FDFT1: variants seen among roughly 807,000 people sequenced by gnomAD.
FDFT1 encodes the protein squalene synthase.
FDFT1 carries 68 observed loss-of-function variants against 46.8 expected under a neutral mutation model. The observed-to-expected ratio is 1.45, with a 90% CI of 1.19 to 1.78. FDFT1 has a LOEUF of 1.78. Ranked by LOEUF, FDFT1 falls within the 40% of genes most tolerant of loss-of-function variation. The pLI is 0.00. For synonymous variants in FDFT1, 351 were observed against 185.1 expected (o/e 1.90, Z -7.28); for missense variants, 928 against 524.4 (o/e 1.77, Z -7.52).
intron 3 of FDFT1, among the ~76,000 whole-genome samples, chr8:11,816,249 C>T (rs1320546253): frequency 2.0e-5 from 3 of 152,152 alleles, no homozygotes; most frequent in Non-Finnish European, 2.9e-5. Context: ...GTACCAGTAC[C>T]ATGCTGTTTT....
rs565146134 is a variant in FDFT1, at chr8:11,824,078, G to C, written c.511-1946G>C. ...AGGTCTTGCTTTGTTGGCCAGGCTG[G>C]TCTAAAACTCTTGGGCTCAAGCAGT... On this transcript the variant is annotated intron_variant, in intron 4 of 7. Transcript: ENST00000220584. Among the ~76,000 whole-genome samples, 247 of 152,190 alleles carry C rather than the reference G, an allele frequency of 1.6e-3. 2 individuals are homozygous for C. Among genetic ancestry groups the C allele is most frequent in the African/African-American group, 5.8e-3 (242 of 41,512 alleles).
At chr8:11,829,942 G>A (rs1484115977) in intron 5 of FDFT1, among the ~76,000 whole-genome samples, 1 of 151,900 alleles carries the variant, frequency 6.6e-6, no homozygotes, top group Non-Finnish European at 1.5e-5. Context: ...CCGCCCCCTA[G>A]GTTCAAGCAA....
chr8:11,808,444 C>A, intron 1 of FDFT1: 1 of 1,271,068 alleles, frequency 7.9e-7, no homozygotes, highest in Non-Finnish European at 9.9e-7. Flanking sequence ...GCGAGCCCGT[C>A]CCGCCCCTCG....
chr8:11,836,172 C>T (rs1032493090), intron 7 of FDFT1, among the ~76,000 whole-genome samples: 24 of 150,066 alleles, frequency 1.6e-4, no homozygotes, highest in Non-Finnish European at 2.7e-4. Context: ...AAAAAATCTA[C>T]AATATACCAA....
Position 11,808,216 on chromosome 8 carries a change from G to A in FDFT1, c.100-578G>A, listed in dbSNP as rs142622671. ...AGGCCTTATTGGGAAGAGGATTTCA[G>A]CGGAGCCCGAGTAGAGTTTGGTCTA... On this transcript the variant is annotated intron_variant, in intron 1 of 7. Coordinates refer to ENST00000220584, the MANE Select transcript of FDFT1 (RefSeq NM_004462.5). The A allele has an allele frequency of 2.8e-4, 327 of 1,150,380 alleles. No individual in the cohort carries two copies. In the African/African-American group the frequency reaches 5.0e-3, roughly 18 times the overall value. The allele number at this position is 1,150,380 out of a possible 1,614,324, so 71.3% of individuals were successfully genotyped here.
chr8:11,818,689 C>CT (rs539165192), intron 3 of FDFT1, among the ~76,000 whole-genome samples: 121 of 147,436 alleles, frequency 8.2e-4, no homozygotes, highest in African/African-American at 1.7e-3. Context: ...GCATTCCCTG[C>CT]TTTTTTTTTT....
At chr8:11,819,221 T>G (rs1808883849) in intron 3 of FDFT1, among the ~76,000 whole-genome samples, 1 of 152,238 alleles carries the variant, frequency 6.6e-6, no homozygotes, top group Non-Finnish European at 1.5e-5. Context: ...AGATCTGCTG[T>G]TAGTCTGATG....
At position 11,809,770 on chromosome 8, in the gene FDFT1, C is replaced by A. The variant is rs145118363; in HGVS notation, c.301C>A (p.His101Asn). The A allele has an allele frequency of 6.2e-7, 1 of 1,614,192 alleles. No homozygotes were observed. The highest frequency in any genetic ancestry group is 8.5e-7 in the Non-Finnish European group (1 of 1,180,008). Reference protein sequence around the residue: ...EKKVPLLHNFHSFLYQPDWRF... With the variant: ...EKKVPLLHNFNSFLYQPDWRF... ...GAAGGTCCCGCTGTTACACAACTTTCACTCTTTCCTTTACCAACCAGACTG... is the reference window on the plus strand; with the variant it reads ...GAAGGTCCCGCTGTTACACAACTTTAACTCTTTCCTTTACCAACCAGACTG... Residue 101 changes from histidine to asparagine, a missense_variant, in exon 3 of 8, where the codon CAC (histidine) becomes AAC (asparagine). Physicochemically the swap from His to Asn is moderately conservative, Grantham distance 68. Coordinates refer to ENST00000220584, the MANE Select transcript of FDFT1 (RefSeq NM_004462.5).
At chr8:11,802,503 G>A (rs1436613826), upstream of FDFT1, 10 of 501,648 alleles carry the variant, frequency 2.0e-5, no homozygotes, top group Non-Finnish European at 3.1e-5. Flanking sequence ...CACCAATCCC[G>A]CTCGTCGGCC....
intron 3 of FDFT1, among the ~76,000 whole-genome samples, chr8:11,818,763 G>C (rs1223788385): frequency 6.6e-6 from 1 of 152,052 alleles, no homozygotes. Flanking sequence ...ACGTGAGACG[G>C]GTCTCCTGAA....
At chr8:11,803,059 C>T (rs959818210) in intron 1 of FDFT1, 128 bp downstream of exon 1, 23 of 1,457,292 alleles carry the variant, frequency 1.6e-5, no homozygotes, top group East Asian at 1.3e-4. Flanking sequence ...TGGGTGTTCC[C>T]GTCCCCCTTT....
intron 3 of FDFT1, among the ~76,000 whole-genome samples, chr8:11,810,606 A>C (rs1003427377): frequency 3.3e-5 from 5 of 152,218 alleles, no homozygotes; most frequent in African/African-American, 1.2e-4. Flanking sequence ...AGTGGGTTAT[A>C]GTTAAAATCC....
intron 5 of FDFT1, among the ~76,000 whole-genome samples, chr8:11,829,955 C>G (rs1342296546): frequency 6.6e-6 from 1 of 151,886 alleles, no homozygotes; most frequent in Admixed American, 6.6e-5. Flanking sequence ...TCAAGCAATT[C>G]TTCTGTCTCA....
chr8:11,802,357 G>C, upstream of FDFT1: 2 of 442,486 alleles, frequency 4.5e-6, no homozygotes, highest in Non-Finnish European at 9.1e-6. Flanking sequence ...AAGCAGCCCC[G>C]CACTGCTCTC....
intron 7 of FDFT1, 23 bp downstream of exon 7, chr8:11,831,693 G>A: frequency 6.3e-7 from 1 of 1,590,194 alleles, no homozygotes; most frequent in Non-Finnish European, 8.6e-7. Flanking sequence ...TTAACTACTT[G>A]GATAATTTGT....
At chr8:11,838,148 G>A (rs1445740414) in intron 7 of FDFT1, among the ~76,000 whole-genome samples, 2 of 152,212 alleles carry the variant, frequency 1.3e-5, no homozygotes, top group Non-Finnish European at 2.9e-5. Context: ...GCCTCTGGGT[G>A]CAGTATGCAC....
At chr8:11,802,548 A>G, upstream of FDFT1, 2 of 580,754 alleles carry the variant, frequency 3.4e-6, no homozygotes, top group Non-Finnish European at 6.5e-6. Flanking sequence ...CTAGAGTGTT[A>G]TCACGCCAGT....
chr8:11,800,356 C>T (rs1184238015), upstream of FDFT1, among the ~76,000 whole-genome samples: 1 of 150,514 alleles, frequency 6.6e-6, no homozygotes, highest in South Asian at 2.1e-4. Flanking sequence ...GTACACTCGC[C>T]AGCAGTTTTG....
chr8:11,829,820 C>G (rs1320494192), intron 5 of FDFT1, among the ~76,000 whole-genome samples: 2 of 151,342 alleles, frequency 1.3e-5, no homozygotes, highest in Non-Finnish European at 2.9e-5. Context: ...AGAGACTTTA[C>G]TGTATATCAT....
Sources: allele counts gnomAD v4.1 joint callset (sites outside exome capture counted in the v4.1 genomes callset), GRCh38; gene constraint gnomAD v4.1.1; transcripts MANE v1.5; gene names NCBI Gene and HGNC (gene_info 2026-07-23, HGNC 2026-07-21).